LEKR1: variants seen among roughly 807,000 people sequenced by gnomAD.
The protein encoded by LEKR1 is leucine, glutamate and lysine rich 1.
In LEKR1, 59 loss-of-function variants were observed where a neutral mutation model predicts 72.4. The observed-to-expected ratio is 0.82, with a 90% CI of 0.66 to 1.01. LEKR1 has a LOEUF of 1.01. Ranked by LOEUF, LEKR1 falls within the 50% of genes least tolerant of loss-of-function variation. The probability of loss-of-function intolerance (pLI) is 0.00; values close to 1 mark genes in which losing one functional copy is unlikely to be tolerated. For synonymous variants in LEKR1, 257 were observed against 263.2 expected, an observed-to-expected ratio of 0.98 and a Z score of 0.23; for missense variants, 728 against 759.2, an observed-to-expected ratio of 0.96 and a Z score of 0.48.
At chr3:156,963,123 A>T (rs1374736241) in intron 6 of LEKR1, among the ~76,000 whole-genome samples, 1 of 152,136 alleles carries the variant, frequency 6.6e-6, no homozygotes, top group East Asian at 1.9e-4. Flanking sequence ...GCTCATTCAG[A>T]TACCAGTTTC....
chr3:156,855,365 T>C (rs1457397535), intron 3 of LEKR1, among the ~76,000 whole-genome samples: 1 of 152,192 alleles, frequency 6.6e-6, no homozygotes, highest in East Asian at 1.9e-4. Context: ...CTCGTGGTTA[T>C]TTAATTAGTA....
chr3:157,008,099 C>T (rs1357746833), intron 9 of LEKR1, among the ~76,000 whole-genome samples: 1 of 152,184 alleles, frequency 6.6e-6, no homozygotes, highest in African/African-American at 2.4e-5. Context: ...ATTTTTCCAG[C>T]CTAAAGACTA....
At chr3:156,896,099 A>G (rs1432122084) in intron 3 of LEKR1, among the ~76,000 whole-genome samples, 1 of 152,192 alleles carries the variant, frequency 6.6e-6, no homozygotes, top group African/African-American at 2.4e-5. Context: ...CAGCAAACTA[A>G]TGCAGGAATA....
At chr3:156,840,112 AC>A (rs1713712063) in intron 2 of LEKR1, among the ~76,000 whole-genome samples, 1 of 152,164 alleles carries the variant, frequency 6.6e-6, no homozygotes, top group South Asian at 2.1e-4. Flanking sequence ...GATTTTCTTA[AC>A]ATTTTCTTTT....
At chr3:156,862,634 T>C (rs1716897884) in intron 3 of LEKR1, among the ~76,000 whole-genome samples, 1 of 152,148 alleles carries the variant, frequency 6.6e-6, no homozygotes, top group Non-Finnish European at 1.5e-5. Flanking sequence ...AGTAGCATAC[T>C]GTTTCTCCCT....
chr3:156,940,820 T>A (rs918634912), intron 5 of LEKR1, among the ~76,000 whole-genome samples: 1 of 152,164 alleles, frequency 6.6e-6, no homozygotes, highest in African/African-American at 2.4e-5. Flanking sequence ...TAGTGTATGC[T>A]AACAGAGCCT....
chr3:156,957,947 G>T (rs530567479), intron 6 of LEKR1, among the ~76,000 whole-genome samples: 187 of 152,112 alleles, frequency 1.2e-3, no homozygotes, highest in African/African-American at 4.3e-3. Context: ...TTTCATTTTT[G>T]CTGCTGGTGT....
chr3:156,887,682 ATAGT>A (rs1053234822), intron 3 of LEKR1, among the ~76,000 whole-genome samples: 5 of 152,192 alleles, frequency 3.3e-5, no homozygotes, highest in Non-Finnish European at 7.3e-5. Context: ...TTTTAATCAT[ATAGT>A]TAATCTAATT....
At chr3:156,980,568 G>GAA (rs34222097) in intron 7 of LEKR1, among the ~76,000 whole-genome samples, 1 of 149,918 alleles carries the variant, frequency 6.7e-6, no homozygotes, top group East Asian at 2.0e-4. Flanking sequence ...ATGGTTGCTA[G>GAA]AAAAAAAAAA....
intron 3 of LEKR1, among the ~76,000 whole-genome samples, chr3:156,866,430 T>C (rs1404992242): frequency 4.6e-5 from 7 of 151,968 alleles, no homozygotes; most frequent in Non-Finnish European, 8.8e-5. Context: ...CTTGCAATGG[T>C]GAGATTACTG....
chr3:156,880,532 C>G (rs924635320), intron 3 of LEKR1, among the ~76,000 whole-genome samples: 1 of 152,110 alleles, frequency 6.6e-6, no homozygotes, highest in Non-Finnish European at 1.5e-5. Context: ...AAAAAGAGTC[C>G]AGGACCAGAT....
intron 12 of LEKR1, among the ~76,000 whole-genome samples, chr3:157,034,978 C>A (rs1734860632): frequency 1.3e-5 from 2 of 152,134 alleles, no homozygotes; most frequent in African/African-American, 4.8e-5. Flanking sequence ...TCAGCAACTT[C>A]CACCTTGATC....
At chr3:156,871,417 AC>A (rs1387957724) in intron 3 of LEKR1, among the ~76,000 whole-genome samples, 1 of 152,214 alleles carries the variant, frequency 6.6e-6, no homozygotes, top group Non-Finnish European at 1.5e-5. Flanking sequence ...CAATAAACAT[AC>A]GCGTGCATGT....
chr3:156,926,310 A>G (rs1162524221), intron 4 of LEKR1, among the ~76,000 whole-genome samples: 1 of 152,052 alleles, frequency 6.6e-6, no homozygotes, highest in Non-Finnish European at 1.5e-5. Flanking sequence ...AATCTTATGT[A>G]TTAGAAAAGT....
intron 6 of LEKR1, among the ~76,000 whole-genome samples, chr3:156,956,404 A>G (rs1727636846): frequency 6.6e-6 from 1 of 152,018 alleles, no homozygotes; most frequent in African/African-American, 2.4e-5. Flanking sequence ...TATTTAAACT[A>G]TGTTTTTATA....
At chr3:156,839,290 C>T (rs934281075) in intron 2 of LEKR1, among the ~76,000 whole-genome samples, 1 of 152,178 alleles carries the variant, frequency 6.6e-6, no homozygotes, top group African/African-American at 2.4e-5. Flanking sequence ...TCTCTGAAGT[C>T]AGGAAGTACC....
Position 156,846,181 on chromosome 3 carries a change from G to A in LEKR1, c.49-6587G>A, listed in dbSNP as rs868207206. Among the ~76,000 whole-genome samples, 89 of 152,234 alleles carry A rather than the reference G, an allele frequency of 5.8e-4. 2 individuals are homozygous for A. The highest frequency in any genetic ancestry group is 2.1e-3 in the African/African-American group (89 of 41,552). On this transcript the variant is annotated intron_variant, in intron 2 of 12. Coordinates refer to ENST00000356539, the MANE Select transcript of LEKR1 (RefSeq NM_001004316.3). ...TTGTTCTGTTTGTATCTTGAAACAT[G>A]CAACCTTGCTGAACTTACTAGTTCT...
At chr3:156,862,682 A>G (rs998922047) in intron 3 of LEKR1, among the ~76,000 whole-genome samples, 5 of 152,068 alleles carry the variant, frequency 3.3e-5, no homozygotes, top group African/African-American at 1.2e-4. Flanking sequence ...TTGGATATCT[A>G]AATATTGACT....
chr3:156,978,075 G>A lies in LEKR1; in HGVS notation c.746-1119G>A, dbSNP rs971252988. Among the ~76,000 whole-genome samples, 2 of 152,156 alleles carry A rather than the reference G, an allele frequency of 1.3e-5. 1 individual carries two copies. Among genetic ancestry groups the A allele is most frequent in the Admixed American group, 1.3e-4 (2 of 15,264 alleles). On this transcript the variant is annotated intron_variant, in intron 6 of 12. Coordinates refer to ENST00000356539, the MANE Select transcript of LEKR1 (RefSeq NM_001004316.3). ...AGATGCTAAGCAAACTATTCTTAGA[G>A]ATAGATAAAGTTAATGTAATAAGAA...
Sources: allele counts gnomAD v4.1 joint callset (sites outside exome capture counted in the v4.1 genomes callset), GRCh38; gene constraint gnomAD v4.1.1; transcripts MANE v1.5; gene names NCBI Gene and HGNC (gene_info 2026-07-23, HGNC 2026-07-21).